The following GREB1L variants were observed in gnomAD, a reference collection of about 807,000 sequenced individuals.
GREB1L encodes GREB1-like protein.
GREB1L carries 17 observed loss-of-function variants against 200.8 expected under a neutral mutation model. That is an observed-to-expected ratio of 0.08 (90% CI 0.06 to 0.13). The LOEUF (loss-of-function observed/expected upper bound fraction) is 0.13. Ranked by LOEUF, GREB1L falls within the 10% of genes least tolerant of loss-of-function variation. The pLI, the probability that GREB1L is intolerant of heterozygous loss-of-function variation, is 1.00. For synonymous variants in GREB1L, 789 were observed against 893.0 expected, an observed-to-expected ratio of 0.88 and a Z score of 2.08; for missense variants, 1,657 against 2,367.7, an observed-to-expected ratio of 0.70 and a Z score of 6.23.
In GREB1L at chr18:21,485,626, G is replaced by A. The variant is rs767849450; in HGVS notation, c.2563G>A (p.Val855Met). The A allele has an allele frequency of 1.2e-5, 19 of 1,550,962 alleles. No homozygotes were observed. Among genetic ancestry groups the A allele is most frequent in the East Asian group, 1.2e-4 (5 of 40,922 alleles). The change falls in exon 18 of 33, where the codon GTG becomes ATG. Residue 855 changes from valine (V) to methionine (M), a missense_variant. Physicochemically the swap from Val to Met is conservative, Grantham distance 21. This residue lies in a region of GREB1L where 239 missense variants were observed against 421.8 expected (regional missense o/e 0.57). Coordinates refer to ENST00000424526, the MANE Select transcript of GREB1L (RefSeq NM_001142966.3). ...HWIQLDTGED[V>M]GCEEKLYFGL... ...GCTCTGTATTTTGAACCAGGAGGAC[G>A]TGGGCTGCGAGGAGAAGCTGTACTT...
chr18:21,454,971 C>A, intron 15 of GREB1L: 1 of 206,540 alleles, frequency 4.8e-6, no homozygotes, highest in Non-Finnish European at 9.8e-6. Context: ...ATTAACAGCA[C>A]GTCTGGGACC....
chr18:21,299,605 T>C (rs1188583030), intron 1 of GREB1L, among the ~76,000 whole-genome samples: 1 of 152,028 alleles, frequency 6.6e-6, no homozygotes, highest in Non-Finnish European at 1.5e-5. Context: ...CCTGGCTGTG[T>C]TTGTCATCAA....
chr18:21,439,916 C>G (rs1191185039), intron 8 of GREB1L, among the ~76,000 whole-genome samples: 1 of 152,236 alleles, frequency 6.6e-6, no homozygotes. Flanking sequence ...TCAAAGTTCT[C>G]TGTTGTGTGA....
rs184618088 is a variant in GREB1L, at chr18:21,491,046, G to A, written c.3030+695G>A. ...CCTGTCAAGCATCAGGGTGGGAGGA[G>A]TAGAACCCTCAGCCAACTAACCTAA... On this transcript the variant is annotated intron_variant, in intron 19 of 32. Transcript: ENST00000424526. Among the ~76,000 whole-genome samples, 108 of 152,270 alleles carry A rather than the reference G, an allele frequency of 7.1e-4. No homozygotes were observed. In the Middle Eastern group the frequency reaches 0.01, roughly 14 times the overall value.
rs369137235 is a variant in GREB1L, at chr18:21,406,875, C to CTT, written c.832+2897_832+2898dup. ...CATATTTTCTCTTAACATTTTCTTC[C>CTT]TTTTTTTTTTTTTTTTTGATACGGA... On this transcript the variant is annotated intron_variant, in intron 7 of 32. Transcript: ENST00000424526. 4.9e-3 allele frequency among the ~76,000 whole-genome samples: 645 copies of CTT among 131,906 alleles called. 10 individuals are homozygous for CTT. Among genetic ancestry groups the CTT allele is most frequent in the East Asian group, 0.014 (66 of 4,648 alleles). 86.5% of individuals were successfully genotyped at this position (131,906 alleles called of 152,430 possible).
chr18:21,348,101 T>C (rs1025265638), intron 1 of GREB1L, among the ~76,000 whole-genome samples: 22 of 151,548 alleles, frequency 1.5e-4, no homozygotes, highest in African/African-American at 4.8e-4. Flanking sequence ...CCCACCACCA[T>C]GCCCGGCTAA....
chr18:21,272,868 AAAAAG>A (rs1359068444), intron 1 of GREB1L, among the ~76,000 whole-genome samples: 3 of 152,262 alleles, frequency 2.0e-5, no homozygotes, highest in Non-Finnish European at 4.4e-5. Context: ...ACTTCAGACT[AAAAAG>A]AGAAAAAGCT....
chr18:21,300,036 T>G (rs745392581), intron 1 of GREB1L, among the ~76,000 whole-genome samples: 2 of 152,214 alleles, frequency 1.3e-5, no homozygotes, highest in African/African-American at 2.4e-5. Context: ...AATTCCTTAA[T>G]GCATCGATCA....
chr18:21,298,106 C>A (rs1337339672), intron 1 of GREB1L, among the ~76,000 whole-genome samples: 5 of 152,132 alleles, frequency 3.3e-5, no homozygotes, highest in Admixed American at 6.5e-5. Context: ...CCACACATTA[C>A]AGGAGATTGT....
At chr18:21,418,170 TG>T (rs1014184248) in intron 7 of GREB1L, among the ~76,000 whole-genome samples, 2 of 152,064 alleles carry the variant, frequency 1.3e-5, no homozygotes, top group Non-Finnish European at 2.9e-5. Context: ...AGGGGAAATA[TG>T]GAAGTTCATT....
chr18:21,517,433 G>T (rs4800768), intron 30 of GREB1L, among the ~76,000 whole-genome samples: 1 of 151,504 alleles, frequency 6.6e-6, no homozygotes, highest in Non-Finnish European at 1.5e-5. Context: ...ATCCCAGCTC[G>T]CTGCAACCTC....
intron 10 of GREB1L, 122 bp downstream of exon 10, chr18:21,441,659 T>C (rs1373067155): frequency 2.3e-5 from 22 of 956,076 alleles, no homozygotes; most frequent in Non-Finnish European, 3.2e-5. Flanking sequence ...TGTCAGCTTT[T>C]ATTGGTCAGC....
In GREB1L at chr18:21,278,398, AAAT is replaced by A. The variant is rs1246085902; in HGVS notation, c.-120+36008_-120+36010del. On this transcript the variant is annotated intron_variant, in intron 1 of 32. Coordinates refer to ENST00000424526, the MANE Select transcript of GREB1L (RefSeq NM_001142966.3). ...TCCATCTCAAAAAAAAAAAATAAAT[AAAT>A]AAATAAATAAATAAATAAATAAATA... Among the ~76,000 whole-genome samples, 60 of 134,958 alleles carry A rather than the reference AAAT, an allele frequency of 4.4e-4. 1 individual carries two copies. The highest frequency in any genetic ancestry group is 1.1e-3 in the Admixed American group (16 of 14,058). The allele number at this position is 134,958 out of a possible 152,430, so 88.5% of individuals were successfully genotyped here. A position where few individuals can be genotyped will look rare whatever the true frequency, so the allele number is the denominator to read the frequency against.
At chr18:21,477,085 C>T in intron 16 of GREB1L, 79 bp from the exon 17 acceptor site, 2 of 862,412 alleles carry the variant, frequency 2.3e-6, no homozygotes, top group East Asian at 2.9e-5. Flanking sequence ...AAAACTAAAA[C>T]AGTATGTCCA....
intron 1 of GREB1L, among the ~76,000 whole-genome samples, chr18:21,303,027 T>C (rs993748084): frequency 1.8e-4 from 28 of 152,132 alleles, no homozygotes; most frequent in African/African-American, 6.0e-4. Flanking sequence ...GGCCTAATTT[T>C]TCTGTATTTA....
chr18:21,459,359 C>T (rs1441210281), intron 15 of GREB1L, among the ~76,000 whole-genome samples: 1 of 143,164 alleles, frequency 7.0e-6, no homozygotes, highest in Non-Finnish European at 1.5e-5. Context: ...AATCTCGGCT[C>T]ACTGCAACCT....
chr18:21,526,039 G>A lies in GREB1L; in HGVS notation c.*3218G>A, dbSNP rs2037681733. On this transcript the variant is annotated 3_prime_UTR_variant, in exon 33 of 33. Coordinates refer to ENST00000424526, the MANE Select transcript of GREB1L (RefSeq NM_001142966.3). ...AAGACTATTAATTAACTGTGAAACT[G>A]ACTGCTGCAACATCACACTAAACTA... is the stretch of plus-strand genomic sequence containing the variant. Among the ~76,000 whole-genome samples, 1 of 152,102 alleles carries A rather than the reference G, an allele frequency of 6.6e-6. No individual in the cohort carries two copies. The highest frequency in any genetic ancestry group is 1.5e-5 in the Non-Finnish European group (1 of 68,032).
intron 5 of GREB1L, among the ~76,000 whole-genome samples, chr18:21,397,692 CTG>C (rs2041143227): frequency 6.6e-6 from 1 of 152,092 alleles, no homozygotes; most frequent in African/African-American, 2.4e-5. Context: ...CAGAGTGAGA[CTG>C]TCTCAGAAAA....
chr18:21,377,566 A>G (rs1255710616), intron 2 of GREB1L, among the ~76,000 whole-genome samples: 1 of 152,200 alleles, frequency 6.6e-6, no homozygotes, highest in Admixed American at 6.5e-5. Context: ...ACCTGAGGTC[A>G]GGAGCTTGAG....
Sources: allele counts gnomAD v4.1 joint callset (sites outside exome capture counted in the v4.1 genomes callset), GRCh38; gene constraint gnomAD v4.1.1; regional missense constraint gnomAD v4.1.1; transcripts MANE v1.5; gene names NCBI Gene and HGNC (gene_info 2026-07-23, HGNC 2026-07-21).